Variants in ICE1 observed in about 807,000 individuals in gnomAD.
The protein encoded by ICE1 is little elongation complex subunit 1.
In ICE1, 64 loss-of-function variants were observed where a neutral mutation model predicts 192.7. The observed-to-expected ratio is 0.33, with a 90% confidence interval of 0.27 to 0.41. The LOEUF is 0.41. Ranked by LOEUF, ICE1 falls within the 10% of genes least tolerant of loss-of-function variation. The pLI, the probability that ICE1 is intolerant of heterozygous loss-of-function variation, is 1.00. For missense variants in ICE1, 2,708 were observed against 2,696.0 expected (o/e 1.00, Z -0.10); for synonymous variants, 1,010 against 984.5 (o/e 1.03, Z -0.49).
At position 5,469,000 on chromosome 5, in the gene ICE1, T is replaced by C. The variant is rs775394448; in HGVS notation, c.6222+12T>C. On this transcript the variant is annotated intron_variant, in intron 15 of 18. Coordinates refer to ENST00000296564, the MANE Select transcript of ICE1 (RefSeq NM_015325.3). The stretch of plus-strand genomic sequence containing the variant: ...TTAATTGGGAAAAGGTGAGCCATAT[T>C]TCTGTTTCTTACAGTATCTTACTTT... 4 of 1,494,932 alleles carry C rather than the reference T, an allele frequency of 2.7e-6. No individual in the cohort carries two copies. The highest frequency in any genetic ancestry group is 3.6e-6 in the Non-Finnish European group (4 of 1,124,320). 92.6% of individuals were successfully genotyped at this position (1,494,932 alleles called of 1,614,324 possible).
chr5:5,448,291 G>C lies in ICE1; in HGVS notation c.604+394G>C, dbSNP rs548377966. ...AAAACTATAGAATTAAAGCCTTATA[G>C]TATATTATATAGTAAAGCCCTATAT... On this transcript the variant is annotated intron_variant, in intron 10 of 18. Coordinates refer to ENST00000296564, the MANE Select transcript of ICE1 (RefSeq NM_015325.3). 3.3e-5 allele frequency among the ~76,000 whole-genome samples: 5 copies of C among 152,246 alleles called. No individual in the cohort carries two copies. In the East Asian group the frequency reaches 9.7e-4, roughly 29 times the overall value.
intron 11 of ICE1, among the ~76,000 whole-genome samples, chr5:5,455,718 T>C (rs192147720): frequency 7.0e-4 from 106 of 152,340 alleles, no homozygotes; most frequent in African/African-American, 2.3e-3. Flanking sequence ...TATTTTCATA[T>C]GAGGATGGTT....
chr5:5,483,035 A>T (rs1561101492), intron 17 of ICE1, among the ~76,000 whole-genome samples: 1 of 152,068 alleles, frequency 6.6e-6, no homozygotes, highest in Admixed American at 6.6e-5. Context: ...TTGTTGCCCA[A>T]GCTGGAGTGC....
At chr5:5,452,081 A>C (rs1464120057) in intron 10 of ICE1, among the ~76,000 whole-genome samples, 1 of 152,060 alleles carries the variant, frequency 6.6e-6, no homozygotes, top group Non-Finnish European at 1.5e-5. Flanking sequence ...ATGGAAAAAA[A>C]ATTTTAACTT....
intron 16 of ICE1, among the ~76,000 whole-genome samples, chr5:5,474,666 G>A (rs1470587799): frequency 2.0e-5 from 3 of 152,178 alleles, no homozygotes; most frequent in South Asian, 2.1e-4. Flanking sequence ...TAATTTTTCT[G>A]TAGGTCTTAA....
At chr5:5,487,106 G>A (rs927531123) in intron 18 of ICE1, among the ~76,000 whole-genome samples, 1 of 152,168 alleles carries the variant, frequency 6.6e-6, no homozygotes, top group African/African-American at 2.4e-5. Context: ...CTAAAACTCT[G>A]TACTGTGTGA....
intron 1 of ICE1, among the ~76,000 whole-genome samples, chr5:5,431,138 C>T (rs558588932): frequency 5.8e-4 from 88 of 152,166 alleles, no homozygotes; most frequent in African/African-American, 1.8e-3. Context: ...GAGGTTTCTT[C>T]GGGGTCTCTG....
chr5:5,434,633 A>G (rs1351532365), intron 1 of ICE1, among the ~76,000 whole-genome samples: 1 of 152,204 alleles, frequency 6.6e-6, no homozygotes, highest in East Asian at 1.9e-4. Flanking sequence ...AGTGGTAAAA[A>G]CAAATTAAGC....
rs1006171991 is a variant in ICE1, at chr5:5,489,854, A to C, written c.*524A>C. The C allele has an allele frequency of 6.6e-6, 1 of 152,290 alleles. No homozygotes were observed. Among genetic ancestry groups the C allele is most frequent in the African/African-American group, 2.4e-5 (1 of 41,484 alleles). 9.4% of individuals were successfully genotyped at this position (152,290 alleles called of 1,614,324 possible). A position where few individuals can be genotyped will look rare whatever the true frequency, so the allele number is the denominator to read the frequency against. On this transcript the variant is annotated 3_prime_UTR_variant, in exon 19 of 19. Transcript: ENST00000296564. ...AGTGCGTAATTGATCAGAGCAAAACATGCAGAGCCCTTAGCAGAAACCCAC... is the reference window on the plus strand; with the variant it reads ...AGTGCGTAATTGATCAGAGCAAAACCTGCAGAGCCCTTAGCAGAAACCCAC...
intron 10 of ICE1, among the ~76,000 whole-genome samples, chr5:5,449,651 C>T (rs1025636636): frequency 1.2e-4 from 19 of 152,214 alleles, no homozygotes; most frequent in African/African-American, 4.3e-4. Flanking sequence ...TCAGAGATGG[C>T]AGGGAGTGGG....
Position 5,454,658 on chromosome 5 carries a change from A to G in ICE1, c.691+20A>G, listed in dbSNP as rs1441595584. 6 of 1,592,828 alleles carry G rather than the reference A, an allele frequency of 3.8e-6. No homozygotes were observed. The highest frequency in any genetic ancestry group is 5.2e-6 in the Non-Finnish European group (6 of 1,161,386). ...TCCCAGGTGAGAGAGAAGCTTACAG[A>G]AACCGATTTCATATGTGAAAGTACA... is the stretch of plus-strand genomic sequence containing the variant. On this transcript the variant is annotated intron_variant, in intron 11 of 18. Coordinates refer to ENST00000296564, the MANE Select transcript of ICE1 (RefSeq NM_015325.3).
chr5:5,439,782 C>T (rs1452349799), intron 3 of ICE1, 113 bp from the exon 4 acceptor site: 2 of 595,590 alleles, frequency 3.4e-6, no homozygotes, highest in Non-Finnish European at 5.6e-6. Flanking sequence ...TATTTATGAT[C>T]TTGCCTGTAT....
intron 4 of ICE1, 35 bp from the exon 5 acceptor site, chr5:5,441,077 C>G (rs778513566): frequency 5.6e-6 from 7 of 1,257,130 alleles, no homozygotes; most frequent in Non-Finnish European, 7.9e-6. Flanking sequence ...CGTTATAGAT[C>G]CTTTTCTGTA....
chr5:5,446,722 C>T (rs1475795015), intron 7 of ICE1, among the ~76,000 whole-genome samples: 1 of 152,006 alleles, frequency 6.6e-6, no homozygotes, highest in East Asian at 1.9e-4. Flanking sequence ...ATCGGTGTGA[C>T]TTAATAAAGA....
At position 5,450,030 on chromosome 5, in the gene ICE1, G is replaced by A. The variant is rs535734958; in HGVS notation, c.604+2133G>A. Among the ~76,000 whole-genome samples the A allele has an allele frequency of 2.6e-5, 4 of 152,300 alleles. No individual in the cohort carries two copies. In the South Asian group the frequency reaches 8.3e-4, roughly 32 times the overall value. On this transcript the variant is annotated intron_variant, in intron 10 of 18. Transcript: ENST00000296564. ...AGGAATAGCACTAAAAATGTAGGCT[G>A]AAGAAATACACTTTGTCTGCCAAAG...
intron 1 of ICE1, among the ~76,000 whole-genome samples, chr5:5,435,468 A>G (rs902866374): frequency 6.6e-6 from 1 of 152,104 alleles, no homozygotes; most frequent in African/African-American, 2.4e-5. Context: ...GTGAAGGGCT[A>G]TTGTGGTTAT....
At chr5:5,438,903 G>T (rs925109340) in intron 3 of ICE1, among the ~76,000 whole-genome samples, 5 of 152,162 alleles carry the variant, frequency 3.3e-5, no homozygotes, top group Non-Finnish European at 5.9e-5. Context: ...CTCCAAGTAT[G>T]CATTTGTTGT....
At chr5:5,426,278 C>T (rs1737514989) in intron 1 of ICE1, among the ~76,000 whole-genome samples, 1 of 152,084 alleles carries the variant, frequency 6.6e-6, no homozygotes, top group South Asian at 2.1e-4. Context: ...AACCCCGTCT[C>T]TACGAAAAAT....
chr5:5,486,758 A>G lies in ICE1; in HGVS notation c.6558A>G (p.Pro2186=), dbSNP rs1239575270. The G allele has an allele frequency of 5.0e-6, 8 of 1,603,294 alleles. No individual in the cohort carries two copies. Among genetic ancestry groups the G allele is most frequent in the Non-Finnish European group, 5.1e-6 (6 of 1,174,264 alleles). The change falls in exon 18 of 19, where the codon CCA becomes CCG. Residue 2186 remains proline (P), a synonymous_variant. Transcript: ENST00000296564. ...AATTGGGTTTGAAAGAAGGATTTCC[A>G]TCTGCTGTGAAAAATATTAGTTCGG... ...LGQLGLKEGF[P]SAVKNISSVI...
Sources: allele counts gnomAD v4.1 joint callset (sites outside exome capture counted in the v4.1 genomes callset), GRCh38; gene constraint gnomAD v4.1.1; transcripts MANE v1.5; gene names NCBI Gene and HGNC (gene_info 2026-07-23, HGNC 2026-07-21).